The following FOXN3 variants were observed in gnomAD, a reference collection of about 807,000 sequenced individuals.
FOXN3 encodes the protein forkhead box protein N3.
FOXN3 carries 7 observed loss-of-function variants against 38.4 expected under a neutral mutation model. The observed-to-expected ratio is 0.18, with a 90% CI of 0.10 to 0.34. The LOEUF (loss-of-function observed/expected upper bound fraction) is 0.34. Ranked by LOEUF, FOXN3 falls within the 10% of genes least tolerant of loss-of-function variation. The pLI is 1.00. For synonymous variants in FOXN3, 230 were observed against 242.2 expected (o/e 0.95, Z 0.47); for missense variants, 456 against 613.4 (o/e 0.74, Z 2.71).
chr14:89,282,654 A>G (rs1886499451), intron 3 of FOXN3, among the ~76,000 whole-genome samples: 1 of 152,234 alleles, frequency 6.6e-6, no homozygotes, highest in Admixed American at 6.5e-5. Context: ...TGATTTATAA[A>G]GATATTTTAA....
intron 3 of FOXN3, 56 bp downstream of exon 3, chr14:89,350,616 T>C: frequency 7.2e-6 from 10 of 1,393,808 alleles, no homozygotes; most frequent in Non-Finnish European, 8.5e-6. Context: ...CGCGCAGGTC[T>C]CTGCCAAAAT....
chr14:89,503,014 T>C (rs569719973), intron 1 of FOXN3, among the ~76,000 whole-genome samples: 4 of 152,272 alleles, frequency 2.6e-5, no homozygotes, highest in African/African-American at 4.8e-5. Flanking sequence ...AACAAAAGCA[T>C]TGAATGGCAC....
chr14:89,464,724 A>G (rs1344177886), intron 1 of FOXN3, among the ~76,000 whole-genome samples: 1 of 151,968 alleles, frequency 6.6e-6, no homozygotes, highest in African/African-American at 2.4e-5. Flanking sequence ...TTTGAGACGG[A>G]GTCTTGCTCT....
At chr14:89,221,664 C>A (rs1884467361) in intron 4 of FOXN3, among the ~76,000 whole-genome samples, 1 of 152,224 alleles carries the variant, frequency 6.6e-6, no homozygotes, top group Admixed American at 6.5e-5. Flanking sequence ...TTGTCTTATG[C>A]AGCAAGATCT....
chr14:89,354,240 T>G lies in FOXN3; in HGVS notation c.544-3432A>C, dbSNP rs574584193. ...TTTGTTTGGTTTTTTTTGTTTGTTTTTTCTTAGACAGAGTCTCGCTCTTGT... is the reference window on the plus strand; with the variant it reads ...TTTGTTTGGTTTTTTTTGTTTGTTTGTTCTTAGACAGAGTCTCGCTCTTGT... On this transcript the variant is annotated intron_variant, in intron 2 of 5. Transcript: ENST00000557258. Among the ~76,000 whole-genome samples, 571 of 148,940 alleles carry G rather than the reference T, an allele frequency of 3.8e-3. 1 individual carries two copies. The highest frequency in any genetic ancestry group is 4.9e-3 in the Non-Finnish European group (325 of 66,942).
chr14:89,325,610 A>G (rs1452187483), intron 3 of FOXN3, among the ~76,000 whole-genome samples: 1 of 152,236 alleles, frequency 6.6e-6, no homozygotes, highest in East Asian at 1.9e-4. Context: ...TTATTGAACT[A>G]TCTCTGTACA....
intron 1 of FOXN3, among the ~76,000 whole-genome samples, chr14:89,492,764 A>G (rs1893608908): frequency 1.3e-5 from 2 of 152,146 alleles, no homozygotes; most frequent in African/African-American, 4.8e-5. Flanking sequence ...ACAAATTTCA[A>G]TTCCCATCTC....
intron 5 of FOXN3, among the ~76,000 whole-genome samples, chr14:89,167,215 A>G (rs1229808364): frequency 6.6e-6 from 1 of 152,254 alleles, no homozygotes; most frequent in African/African-American, 2.4e-5. Context: ...GAGAAATCAC[A>G]TTAGTTCAAA....
chr14:89,264,650 C>T (rs1483763579), intron 4 of FOXN3, among the ~76,000 whole-genome samples: 2 of 152,128 alleles, frequency 1.3e-5, no homozygotes, highest in African/African-American at 4.8e-5. Context: ...AGCAGGAACA[C>T]CCTCAGGGTG....
chr14:89,605,631 C>T (rs1468653142), intron 1 of FOXN3, among the ~76,000 whole-genome samples: 1 of 151,964 alleles, frequency 6.6e-6, no homozygotes, highest in Non-Finnish European at 1.5e-5. Flanking sequence ...TACATTTGTA[C>T]ATGTCATATA....
chr14:89,361,960 ACCAC>A (rs1889728330), intron 2 of FOXN3, among the ~76,000 whole-genome samples: 1 of 13,926 alleles, frequency 7.2e-5, no homozygotes, highest in African/African-American at 8.3e-4. Flanking sequence ...CACCTCCAGC[ACCAC>A]CTCCACCACC....
At chr14:89,419,806 G>T (rs2140105421), upstream of FOXN3, 1 of 152,466 alleles carries the variant, frequency 6.6e-6, no homozygotes, top group South Asian at 2.1e-4. Flanking sequence ...CACTGTATTG[G>T]TTATTAGAGC....
At chr14:89,486,802 T>C (rs1407351985) in intron 1 of FOXN3, 1 of 152,218 alleles carries the variant, frequency 6.6e-6, no homozygotes, top group East Asian at 1.9e-4. Context: ...ATTGTAACAG[T>C]ACCTCTTTAT....
At chr14:89,380,782 T>C (rs140836336) in intron 2 of FOXN3, among the ~76,000 whole-genome samples, 11 of 152,296 alleles carry the variant, frequency 7.2e-5, no homozygotes, top group African/African-American at 2.2e-4. Context: ...ATGCTTCCCC[T>C]GTGGACAAGG....
intron 2 of FOXN3, among the ~76,000 whole-genome samples, chr14:89,368,194 G>T (rs1329746269): frequency 6.6e-6 from 1 of 151,992 alleles, no homozygotes; most frequent in African/African-American, 2.4e-5. Context: ...GCCAGGCATG[G>T]TGGCACATGC....
At chr14:89,455,093 CG>C (rs1892692472) in intron 1 of FOXN3, among the ~76,000 whole-genome samples, 1 of 152,184 alleles carries the variant, frequency 6.6e-6, no homozygotes, top group Non-Finnish European at 1.5e-5. Context: ...CAGGAATGTT[CG>C]CTCGGGCAGG....
intron 4 of FOXN3, among the ~76,000 whole-genome samples, chr14:89,194,854 GAA>G (rs928452275): frequency 6.6e-6 from 1 of 151,904 alleles, no homozygotes; most frequent in Non-Finnish European, 1.5e-5. Context: ...CATATTCATT[GAA>G]AAACTAAGAC....
At chr14:89,545,116 C>T (rs1439287748) in intron 1 of FOXN3, among the ~76,000 whole-genome samples, 5 of 152,220 alleles carry the variant, frequency 3.3e-5, no homozygotes, top group Non-Finnish European at 7.3e-5. Context: ...TGAAGCAGGC[C>T]TACCTGCCAG....
At chr14:89,428,702 C>T (rs985661795) in intron 1 of FOXN3, among the ~76,000 whole-genome samples, 13 of 152,216 alleles carry the variant, frequency 8.5e-5, no homozygotes, top group Admixed American at 2.0e-4. Context: ...ACGTTGGTGA[C>T]GGCAGCCATG....
Sources: allele counts gnomAD v4.1 joint callset (sites outside exome capture counted in the v4.1 genomes callset), GRCh38; gene constraint gnomAD v4.1.1; transcripts MANE v1.5; gene names NCBI Gene and HGNC (gene_info 2026-07-23, HGNC 2026-07-21).